Variants in METTL15 observed in about 807,000 individuals in gnomAD.
The protein encoded by METTL15 is 12S rRNA N(4)-cytidine methyltransferase METTL15.
METTL15 carries 34 observed loss-of-function variants against 38.3 expected under a neutral mutation model. That is an observed-to-expected ratio of 0.89 (90% CI 0.68 to 1.18). METTL15 has a LOEUF of 1.18. Ranked by LOEUF, METTL15 falls within the 50% of genes most tolerant of loss-of-function variation. The probability of loss-of-function intolerance (pLI) is 0.00; values close to 1 mark genes in which losing one functional copy is unlikely to be tolerated. For synonymous variants in METTL15, 162 were observed against 170.9 expected, an observed-to-expected ratio of 0.95 and a Z score of 0.41; for missense variants, 438 against 498.4, an observed-to-expected ratio of 0.88 and a Z score of 1.15.
intron 6 of METTL15, among the ~76,000 whole-genome samples, chr11:28,504,960 A>C (rs561209936): frequency 6.6e-6 from 1 of 152,268 alleles, no homozygotes; most frequent in African/African-American, 2.4e-5. Context: ...TTTATGCTTC[A>C]CCACCAGACT....
chr11:28,159,030 C>G (rs1036783978), intron 3 of METTL15, among the ~76,000 whole-genome samples: 1 of 152,122 alleles, frequency 6.6e-6, no homozygotes, highest in African/African-American at 2.4e-5. Context: ...TAGTGATACA[C>G]TAGCAAAATT....
chr11:28,224,666 A>T (rs1379910482), intron 4 of METTL15, among the ~76,000 whole-genome samples: 2 of 151,796 alleles, frequency 1.3e-5, no homozygotes, highest in Non-Finnish European at 3.0e-5. Flanking sequence ...GGGTATTTTT[A>T]TCGTATAATT....
At chr11:28,438,693 G>A (rs1398378741) in intron 6 of METTL15, among the ~76,000 whole-genome samples, 25 of 107,476 alleles carry the variant, frequency 2.3e-4, no homozygotes, top group African/African-American at 9.4e-4. Context: ...TTTTTTTTTG[G>A]AGACAGAGTC....
intron 6 of METTL15, among the ~76,000 whole-genome samples, chr11:28,304,455 A>G (rs754672763): frequency 6.6e-6 from 1 of 152,126 alleles, no homozygotes; most frequent in African/African-American, 2.4e-5. Context: ...GCAGTGGCTC[A>G]CTCTATACTG....
chr11:28,132,974 T>C (rs912209649), intron 3 of METTL15, among the ~76,000 whole-genome samples: 2 of 152,176 alleles, frequency 1.3e-5, no homozygotes, highest in Admixed American at 6.6e-5. Context: ...CAAAAACATA[T>C]TAGAATTATG....
At chr11:28,448,342 T>C (rs1564934107) in intron 6 of METTL15, among the ~76,000 whole-genome samples, 3 of 152,216 alleles carry the variant, frequency 2.0e-5, no homozygotes, top group Non-Finnish European at 4.4e-5. Flanking sequence ...GCTTCCTGAA[T>C]TCTTTTCAGC....
At chr11:28,260,763 T>A (rs1855169891) in intron 4 of METTL15, among the ~76,000 whole-genome samples, 1 of 152,152 alleles carries the variant, frequency 6.6e-6, no homozygotes, top group South Asian at 2.1e-4. Context: ...TGAGAACACA[T>A]ATTATGCAAC....
intron 6 of METTL15, among the ~76,000 whole-genome samples, chr11:28,514,040 A>G (rs1369865543): frequency 6.6e-6 from 1 of 152,376 alleles, no homozygotes; most frequent in Admixed American, 6.5e-5. Context: ...GGGAAGGTAC[A>G]TGATGTGTTG....
chr11:28,226,297 C>G lies in METTL15; in HGVS notation c.407+15099C>G, dbSNP rs117982952. On this transcript the variant is annotated intron_variant, in intron 4 of 6. Coordinates refer to ENST00000407364, the MANE Select transcript of METTL15 (RefSeq NM_001113528.2). ...TAAGAAGGGGTAGGTTTTCTGTATT[C>G]TGCCATATCCTTGGGGACTATTTTT... Among the ~76,000 whole-genome samples, 806 of 152,010 alleles carry G rather than the reference C, an allele frequency of 5.3e-3. 7 individuals carry two copies. Among genetic ancestry groups the G allele is most frequent in the Non-Finnish European group, 8.8e-3 (596 of 67,844 alleles).
chr11:28,483,810 G>A (rs1851416521), intron 6 of METTL15, among the ~76,000 whole-genome samples: 1 of 152,184 alleles, frequency 6.6e-6, no homozygotes, highest in African/African-American at 2.4e-5. Flanking sequence ...CTAAGAGGAG[G>A]TGCTAATAGT....
At chr11:28,111,144 C>T (rs1851700572) in intron 2 of METTL15, among the ~76,000 whole-genome samples, 1 of 152,170 alleles carries the variant, frequency 6.6e-6, no homozygotes, top group Admixed American at 6.5e-5. Context: ...TCCAGGTTGA[C>T]TCAAGTTGGC....
intron 4 of METTL15, among the ~76,000 whole-genome samples, chr11:28,240,206 A>G (rs1302649558): frequency 6.6e-6 from 1 of 152,218 alleles, no homozygotes; most frequent in Non-Finnish European, 1.5e-5. Flanking sequence ...AACTAAGTAA[A>G]TATATATAAC....
intron 3 of METTL15, among the ~76,000 whole-genome samples, chr11:28,166,562 G>T (rs1463496751): frequency 6.6e-6 from 1 of 152,138 alleles, no homozygotes; most frequent in African/African-American, 2.4e-5. Flanking sequence ...GAATTCTAGA[G>T]AACTTACGTT....
intron 5 of METTL15, among the ~76,000 whole-genome samples, chr11:28,401,302 C>G (rs1432537181): frequency 6.6e-6 from 1 of 151,934 alleles, no homozygotes; most frequent in Non-Finnish European, 1.5e-5. Context: ...CTGGGATAAT[C>G]ATTTGGAGGG....
chr11:28,292,677 A>G (rs750913596), intron 5 of METTL15, among the ~76,000 whole-genome samples: 2 of 152,172 alleles, frequency 1.3e-5, no homozygotes, highest in Non-Finnish European at 2.9e-5. Context: ...TCCCACCAAC[A>G]GTGTAAAAGT....
At chr11:28,354,837 AG>A (rs777198964) in intron 4 of METTL15, among the ~76,000 whole-genome samples, 9 of 152,358 alleles carry the variant, frequency 5.9e-5, no homozygotes, top group Non-Finnish European at 1.2e-4. Context: ...GTTATGTCAA[AG>A]TATGTTGCCA....
intron 5 of METTL15, among the ~76,000 whole-genome samples, chr11:28,422,034 A>T (rs1850825156): frequency 1.3e-5 from 2 of 152,120 alleles, no homozygotes; most frequent in South Asian, 4.1e-4. Context: ...TAGCATTTTT[A>T]TATGCCAACA....
intron 4 of METTL15, among the ~76,000 whole-genome samples, chr11:28,277,978 G>T (rs2133968322): frequency 6.6e-6 from 1 of 152,288 alleles, no homozygotes; most frequent in South Asian, 2.1e-4. Flanking sequence ...TTCAGTGTTT[G>T]ATTGCAGAAT....
At chr11:28,284,006 A>G (rs965685671) in intron 4 of METTL15, among the ~76,000 whole-genome samples, 3 of 152,204 alleles carry the variant, frequency 2.0e-5, no homozygotes, top group Admixed American at 6.6e-5. Context: ...CTGCCTATCT[A>G]GGAAAATTAG....
Sources: gnomAD v4.1 joint callset for allele counts (sites outside exome capture counted in the v4.1 genomes callset) on GRCh38, gnomAD v4.1.1 for gene constraint, MANE v1.5 for transcripts, NCBI Gene and HGNC (gene_info 2026-07-23, HGNC 2026-07-21) for gene names.